TMEM63C: variants seen among roughly 807,000 people sequenced by gnomAD.
TMEM63C encodes transmembrane protein 63C.
Under a neutral mutation model 99.2 loss-of-function variants are expected in TMEM63C, and 32 were observed. That is an observed-to-expected ratio of 0.32 (90% CI 0.24 to 0.43). The LOEUF (loss-of-function observed/expected upper bound fraction) is 0.43, where lower values mean the gene tolerates loss of function less well. Ranked by LOEUF, TMEM63C falls within the 20% of genes least tolerant of loss-of-function variation. The pLI, the probability that TMEM63C is intolerant of heterozygous loss-of-function variation, is 1.00. For missense variants in TMEM63C, 826 were observed against 1,053.0 expected (o/e 0.78, Z 2.98); for synonymous variants, 376 against 397.9 (o/e 0.94, Z 0.66).
chr14:77,256,000 C>T (rs1220813907), intron 23 of TMEM63C, among the ~76,000 whole-genome samples: 1 of 152,222 alleles, frequency 6.6e-6, no homozygotes, highest in Non-Finnish European at 1.5e-5. Context: ...CTAGTACATC[C>T]TGTGTTTTTC....
At chr14:77,194,336 ATGTGTGTGTGTGTGTGTG>A (rs36201483) in intron 1 of TMEM63C, among the ~76,000 whole-genome samples, 1 of 87,560 alleles carries the variant, frequency 1.1e-5, no homozygotes, top group Non-Finnish European at 2.2e-5. Context: ...ATATATATAT[ATGTGTGTGTGTGTGTGTG>A]TGTGTGTGTG....
intron 1 of TMEM63C, among the ~76,000 whole-genome samples, chr14:77,188,823 G>A (rs1888050301): frequency 6.6e-6 from 1 of 150,748 alleles, no homozygotes; most frequent in Non-Finnish European, 1.5e-5. Context: ...CTATGATTGT[G>A]CCACTGCACT....
At chr14:77,196,523 A>G (rs1888217920) in intron 1 of TMEM63C, among the ~76,000 whole-genome samples, 1 of 152,182 alleles carries the variant, frequency 6.6e-6, no homozygotes, top group African/African-American at 2.4e-5. Flanking sequence ...TCCCCTGGAA[A>G]TTCCCCCGGG....
chr14:77,225,327 G>A lies in TMEM63C; in HGVS notation c.313-97G>A, dbSNP rs573520677. 2.3e-5 allele frequency: 27 copies of A among 1,151,876 alleles called. 1 individual carries two copies. The highest frequency in any genetic ancestry group is 4.7e-5 in the African/African-American group (3 of 63,648). The allele number at this position is 1,151,876 out of a possible 1,614,324, so 71.4% of individuals were successfully genotyped here. A position where few individuals can be genotyped will look rare whatever the true frequency, so the allele number is the denominator to read the frequency against. ...CAGGAAGGAGGCCCCGGACGCTGCCGCGGCTGCCTCAGATGACCTGGCCGC... is the reference window on the plus strand; with the variant it reads ...CAGGAAGGAGGCCCCGGACGCTGCCACGGCTGCCTCAGATGACCTGGCCGC... On this transcript the variant is annotated intron_variant, in intron 5 of 23. Coordinates refer to ENST00000298351, the MANE Select transcript of TMEM63C (RefSeq NM_020431.4).
At chr14:77,255,576 T>G (rs1320312396) in intron 23 of TMEM63C, among the ~76,000 whole-genome samples, 1 of 152,232 alleles carries the variant, frequency 6.6e-6, no homozygotes, top group Non-Finnish European at 1.5e-5. Context: ...TTCCATGATC[T>G]CCTGAATGCT....
chr14:77,230,801 G>T (rs61993365), intron 6 of TMEM63C, among the ~76,000 whole-genome samples: 2 of 152,112 alleles, frequency 1.3e-5, no homozygotes, highest in African/African-American at 2.4e-5. Context: ...AAAAGGTTAG[G>T]GACCACTGCT....
chr14:77,241,026 C>T (rs1889166659), intron 13 of TMEM63C, among the ~76,000 whole-genome samples: 1 of 150,412 alleles, frequency 6.6e-6, no homozygotes, highest in Non-Finnish European at 1.5e-5. Context: ...TCTCAGCTCA[C>T]TACGACCTCT....
At chr14:77,203,805 C>T (rs1888346122) in intron 1 of TMEM63C, among the ~76,000 whole-genome samples, 1 of 152,266 alleles carries the variant, frequency 6.6e-6, no homozygotes, top group African/African-American at 2.4e-5. Flanking sequence ...GATCAGAGCC[C>T]ACCCTGGCAG....
At chr14:77,206,512 G>T (rs985404483) in intron 1 of TMEM63C, among the ~76,000 whole-genome samples, 4 of 152,238 alleles carry the variant, frequency 2.6e-5, no homozygotes, top group African/African-American at 4.8e-5. Context: ...CCATGGCCCA[G>T]CCAGGCCCTG....
chr14:77,184,573 G>T (rs1421711557), intron 1 of TMEM63C, among the ~76,000 whole-genome samples: 7 of 152,212 alleles, frequency 4.6e-5, no homozygotes, highest in African/African-American at 1.4e-4. Flanking sequence ...CAGGCCATGG[G>T]CAGGCTCACA....
At chr14:77,243,146 G>T in intron 15 of TMEM63C, 90 bp downstream of exon 15, 1 of 1,470,952 alleles carries the variant, frequency 6.8e-7, no homozygotes, top group Admixed American at 2.1e-5. Context: ...CCCCCTGGGA[G>T]GGGGCTGTGG....
At chr14:77,210,255 G>T (rs941693142) in intron 1 of TMEM63C, among the ~76,000 whole-genome samples, 3 of 152,068 alleles carry the variant, frequency 2.0e-5, no homozygotes, top group Non-Finnish European at 4.4e-5. Context: ...CACTGTCTAG[G>T]TGATTCCAGT....
chr14:77,222,442 G>A (rs543833485), intron 5 of TMEM63C, among the ~76,000 whole-genome samples: 3 of 152,216 alleles, frequency 2.0e-5, no homozygotes, highest in South Asian at 4.1e-4. Flanking sequence ...TTAGGTCCAC[G>A]CTCTAGGGCC....
rs762125621 is a variant in TMEM63C at position 77,231,707 on chromosome 14, T to C, written c.470T>C (p.Ile157Thr). Residue 157 changes from isoleucine to threonine, a missense_variant, in exon 7 of 24, where the codon ATC becomes ACC. Coordinates refer to ENST00000298351, the MANE Select transcript of TMEM63C (RefSeq NM_020431.4). ...CCCTCCCTGGGCATCATTTTGCCCA[T>C]CAACTATACTGGATCTGTTCTGGGT... ...CIPSLGIILP[I>T]NYTGSVLDWS... is the part of the protein sequence containing the mutation. 1.3e-6 allele frequency: 2 copies of C among 1,551,668 alleles called. No homozygotes were observed. The highest frequency in any genetic ancestry group is 1.2e-5 in the South Asian group (1 of 84,060).
At chr14:77,185,651 C>A (rs1243894814) in intron 1 of TMEM63C, among the ~76,000 whole-genome samples, 2 of 152,160 alleles carry the variant, frequency 1.3e-5, no homozygotes, top group Non-Finnish European at 2.9e-5. Context: ...GGTAGAAACA[C>A]TACAGAGGGC....
chr14:77,211,634 T>G (rs963894686), intron 1 of TMEM63C, among the ~76,000 whole-genome samples: 1 of 152,166 alleles, frequency 6.6e-6, no homozygotes, highest in Non-Finnish European at 1.5e-5. Context: ...AAAACCAGGC[T>G]AGGTCTGGAG....
At chr14:77,241,139 C>T (rs1439200349) in intron 13 of TMEM63C, among the ~76,000 whole-genome samples, 5 of 151,752 alleles carry the variant, frequency 3.3e-5, no homozygotes, top group Non-Finnish European at 7.4e-5. Context: ...TTAGTAGAGA[C>T]GGGGTTTCAC....
At chr14:77,198,030 T>C (rs1566617075) in intron 1 of TMEM63C, among the ~76,000 whole-genome samples, 2 of 152,334 alleles carry the variant, frequency 1.3e-5, no homozygotes, top group East Asian at 3.9e-4. Context: ...CCACTGGGCC[T>C]GCAAATGCAG....
chr14:77,209,258 T>C (rs1013476914), intron 1 of TMEM63C, among the ~76,000 whole-genome samples: 6 of 152,150 alleles, frequency 3.9e-5, no homozygotes, highest in African/African-American at 1.2e-4. Context: ...CCAGTCTCCT[T>C]ACCTGCAGCT....
Sources: allele counts gnomAD v4.1 joint callset (sites outside exome capture counted in the v4.1 genomes callset), GRCh38; gene constraint gnomAD v4.1.1; transcripts MANE v1.5; gene names NCBI Gene and HGNC (gene_info 2026-07-23, HGNC 2026-07-21).